Variants in CDH12 observed in about 807,000 individuals in gnomAD.
The protein encoded by CDH12 is cadherin-12.
CDH12 carries 41 observed loss-of-function variants against 74.1 expected under a neutral mutation model. The observed-to-expected ratio is 0.55, with a 90% CI of 0.43 to 0.72. The LOEUF is 0.72. CDH12 is among the 30% of genes least tolerant of loss of function. The probability of loss-of-function intolerance (pLI) is 0.00; values close to 1 mark genes in which losing one functional copy is unlikely to be tolerated. For synonymous variants in CDH12, 399 were observed against 355.0 expected, an observed-to-expected ratio of 1.12 and a Z score of -1.39; for missense variants, 945 against 977.2, an observed-to-expected ratio of 0.97 and a Z score of 0.44.
chr5:22,593,087 A>C (rs1438147018), intron 1 of CDH12, among the ~76,000 whole-genome samples: 2 of 151,914 alleles, frequency 1.3e-5, no homozygotes, highest in Non-Finnish European at 2.9e-5. Context: ...GGCATTTAAC[A>C]TGCAAGATTC....
intron 3 of CDH12, among the ~76,000 whole-genome samples, chr5:22,306,383 A>G (rs1366830372): frequency 6.6e-6 from 1 of 150,900 alleles, no homozygotes; most frequent in Non-Finnish European, 1.5e-5. Context: ...GAGGGAAGGG[A>G]GAGAGAGAGA....
chr5:22,774,445 T>A (rs1255127801), intron 1 of CDH12, among the ~76,000 whole-genome samples: 1 of 152,054 alleles, frequency 6.6e-6, no homozygotes, highest in Non-Finnish European at 1.5e-5. Flanking sequence ...TGACATGGTT[T>A]GGCTGTGTCC....
chr5:22,483,100 T>C (rs1746446351), intron 2 of CDH12, among the ~76,000 whole-genome samples: 1 of 152,200 alleles, frequency 6.6e-6, no homozygotes, highest in African/African-American at 2.4e-5. Flanking sequence ...ATACAGATTT[T>C]TTTAATTGAT....
intron 3 of CDH12, among the ~76,000 whole-genome samples, chr5:22,299,057 G>T (rs1249837121): frequency 6.6e-6 from 1 of 152,168 alleles, no homozygotes; most frequent in Non-Finnish European, 1.5e-5. Flanking sequence ...GTCAGGAAAA[G>T]ACTCATTTTA....
Position 22,640,572 on chromosome 5 carries a change from T to G in CDH12, c.-522-135208A>C, listed in dbSNP as rs116632743. Among the ~76,000 whole-genome samples the G allele has an allele frequency of 9.2e-3, 1,400 of 152,346 alleles. 22 individuals carry two copies. Among genetic ancestry groups the G allele is most frequent in the African/African-American group, 0.032 (1,336 of 41,576 alleles). ...ATAATTTAACATCTAATTTTTTGGC[T>G]GCTGCTGAATTTCCACTGGTCCAGT... On this transcript the variant is annotated intron_variant, in intron 1 of 14. Transcript: ENST00000382254.
intron 1 of CDH12, among the ~76,000 whole-genome samples, chr5:22,694,403 C>A (rs1302806983): frequency 2.0e-5 from 3 of 152,066 alleles, no homozygotes; most frequent in East Asian, 1.9e-4. Context: ...AGTCTCAAAT[C>A]TATACTAATA....
At chr5:22,050,345 A>G (rs1396070153) in intron 5 of CDH12, among the ~76,000 whole-genome samples, 6 of 152,114 alleles carry the variant, frequency 3.9e-5, no homozygotes, top group Non-Finnish European at 7.4e-5. Flanking sequence ...AGTTTTCATA[A>G]TAACACTCAA....
chr5:22,142,331 T>C (rs1425794950), intron 4 of CDH12: 7 of 360,638 alleles, frequency 1.9e-5, no homozygotes, highest in African/African-American at 4.4e-5. Context: ...ACTGGCCTCA[T>C]TGTCTAGGGA....
At chr5:22,310,287 C>A (rs994088386) in intron 3 of CDH12, among the ~76,000 whole-genome samples, 1 of 151,772 alleles carries the variant, frequency 6.6e-6, no homozygotes, top group African/African-American at 2.4e-5. Context: ...ATGGTGAAAC[C>A]CCATCTCTAC....
chr5:22,815,776 AAAAAAAAAAT>A (rs984253978), intron 1 of CDH12, among the ~76,000 whole-genome samples: 2 of 149,672 alleles, frequency 1.3e-5, no homozygotes, highest in Non-Finnish European at 3.0e-5. Context: ...TCTCAAAAAA[AAAAAAAAAAT>A]AAATAAATAA....
At chr5:22,830,871 AT>A (rs976168191) in intron 1 of CDH12, among the ~76,000 whole-genome samples, 1 of 151,692 alleles carries the variant, frequency 6.6e-6, no homozygotes, top group Non-Finnish European at 1.5e-5. Context: ...CATAATATAT[AT>A]GATTAATATT....
intron 1 of CDH12, among the ~76,000 whole-genome samples, chr5:22,521,753 T>G (rs985311111): frequency 2.9e-4 from 44 of 152,180 alleles, no homozygotes; most frequent in African/African-American, 1.0e-3. Context: ...AGTACTTAAA[T>G]GAATGAACGT....
At chr5:22,706,061 T>C (rs1275245748) in intron 1 of CDH12, among the ~76,000 whole-genome samples, 1 of 152,056 alleles carries the variant, frequency 6.6e-6, no homozygotes, top group Non-Finnish European at 1.5e-5. Flanking sequence ...ATTTGCACAA[T>C]TGGTATCTCA....
At chr5:22,065,357 A>G (rs1342891814) in intron 5 of CDH12, among the ~76,000 whole-genome samples, 1 of 152,102 alleles carries the variant, frequency 6.6e-6, no homozygotes, top group Non-Finnish European at 1.5e-5. Flanking sequence ...CAGAAGAAAC[A>G]CAAAGTTAGA....
chr5:22,447,355 T>C (rs1378311678), intron 2 of CDH12, among the ~76,000 whole-genome samples: 1 of 152,090 alleles, frequency 6.6e-6, no homozygotes, highest in Non-Finnish European at 1.5e-5. Flanking sequence ...ACAATAATCA[T>C]AAACAGTTAA....
intron 2 of CDH12, among the ~76,000 whole-genome samples, chr5:22,481,573 A>G (rs1746386664): frequency 6.6e-6 from 1 of 152,238 alleles, no homozygotes; most frequent in South Asian, 2.1e-4. Flanking sequence ...AATCTGAAGG[A>G]CATTGTTAAG....
intron 4 of CDH12, among the ~76,000 whole-genome samples, chr5:22,120,921 C>T (rs6898251): frequency 0.48 from 72,509 of 151,906 alleles, 17,566 homozygotes; most frequent in Middle Eastern, 0.51. Flanking sequence ...CCAATAGAGA[C>T]AACACAAGTA....
chr5:22,829,439 A>G (rs2126495720), intron 1 of CDH12, among the ~76,000 whole-genome samples: 1 of 152,278 alleles, frequency 6.6e-6, no homozygotes, highest in Middle Eastern at 3.4e-3. Context: ...AGATACTGAA[A>G]GGATTTGATG....
At chr5:22,422,481 T>G (rs1316458596) in intron 2 of CDH12, among the ~76,000 whole-genome samples, 1 of 152,170 alleles carries the variant, frequency 6.6e-6, no homozygotes, top group Non-Finnish European at 1.5e-5. Context: ...TGCCAGTATT[T>G]TTTTGAAGAT....
Sources: gnomAD v4.1 joint callset for allele counts (sites outside exome capture counted in the v4.1 genomes callset) on GRCh38, gnomAD v4.1.1 for gene constraint, MANE v1.5 for transcripts, NCBI Gene and HGNC (gene_info 2026-07-23, HGNC 2026-07-21) for gene names.